The following STS variants were observed in gnomAD, a reference collection of about 807,000 sequenced individuals.
The protein encoded by STS is steryl-sulfatase.
In STS, 7 loss-of-function variants were observed where a neutral mutation model predicts 26.8. That is an observed-to-expected ratio of 0.26 (90% confidence interval 0.15 to 0.49). The LOEUF (loss-of-function observed/expected upper bound fraction) is 0.49. STS is among the 20% of genes least tolerant of loss of function. The pLI, the probability that STS is intolerant of heterozygous loss-of-function variation, is 0.98. For missense variants in STS, 434 were observed against 465.6 expected (o/e 0.93, Z 0.63); for synonymous variants, 199 against 189.4 (o/e 1.05, Z -0.42).
intron 2 of STS, among the ~76,000 whole-genome samples, chrX:7,241,724 G>A (rs755169965): frequency 1.8e-5 from 2 of 111,862 alleles, no homozygotes; most frequent in Admixed American, 9.5e-5. Context: ...AGCAACTTGC[G>A]TTTGTTATCT....
intron 7 of STS, among the ~76,000 whole-genome samples, chrX:7,277,869 A>C (rs963828696): frequency 8.9e-6 from 1 of 112,529 alleles, no homozygotes. Flanking sequence ...AGTGTAAATC[A>C]GTAGAATATT....
intron 2 of STS, among the ~76,000 whole-genome samples, chrX:7,202,397 C>T (rs1314904921): frequency 2.7e-5 from 3 of 111,027 alleles, no homozygotes; most frequent in Non-Finnish European, 5.7e-5. Flanking sequence ...ACCTCTCTAT[C>T]AGTATTTAAG....
At chrX:7,278,908 A>G (rs1283667231) in intron 7 of STS, among the ~76,000 whole-genome samples, 1 of 111,479 alleles carries the variant, frequency 9.0e-6, no homozygotes, top group Admixed American at 9.6e-5. Context: ...GAGAAAAGAC[A>G]TACTAATTTA....
chrX:7,258,278 T>G (rs1389047819), intron 5 of STS, among the ~76,000 whole-genome samples: 5 of 108,321 alleles, frequency 4.6e-5, no homozygotes, highest in African/African-American at 1.7e-4. Context: ...GATAGATAGA[T>G]AGATAGATAG....
intron 2 of STS, among the ~76,000 whole-genome samples, chrX:7,228,632 A>G (rs1240246619): frequency 9.0e-6 from 1 of 111,719 alleles, no homozygotes; most frequent in African/African-American, 3.3e-5. Flanking sequence ...ATATATGGTT[A>G]TCAGTATATG....
At chrX:7,187,226 C>T (rs1379983214) in intron 1 of STS, among the ~76,000 whole-genome samples, 5 of 112,344 alleles carry the variant, frequency 4.5e-5, no homozygotes, top group African/African-American at 1.3e-4. Context: ...TCTATGTCTT[C>T]CTCTTCAAAA....
At chrX:7,336,062 A>G (rs1180324542) in intron 10 of STS, among the ~76,000 whole-genome samples, 1 of 111,677 alleles carries the variant, frequency 9.0e-6, no homozygotes, top group African/African-American at 3.3e-5. Flanking sequence ...AATTACAGTA[A>G]TATTCCTATC....
chrX:7,282,115 A>G (rs1166104615), intron 7 of STS, among the ~76,000 whole-genome samples: 5 of 112,753 alleles, frequency 4.4e-5, no homozygotes, highest in African/African-American at 1.3e-4. Context: ...AAGCTTGTAT[A>G]CCATATTGAG....
intron 2 of STS, among the ~76,000 whole-genome samples, chrX:7,198,369 G>T (rs1934008702): frequency 9.0e-6 from 1 of 111,313 alleles, no homozygotes; most frequent in Non-Finnish European, 1.9e-5. Flanking sequence ...CATGGCACCA[G>T]TTGGTAGATC....
chrX:7,324,539 A>G, intron 8 of STS, among the ~76,000 whole-genome samples: 1 of 111,659 alleles, frequency 9.0e-6, no homozygotes, highest in African/African-American at 3.3e-5. Context: ...TTTGGGGTAA[A>G]CTACTTCAAT....
intron 7 of STS, among the ~76,000 whole-genome samples, chrX:7,278,877 A>G (rs1031446412): frequency 8.9e-6 from 1 of 111,932 alleles, no homozygotes; most frequent in African/African-American, 3.3e-5. Context: ...AATCACTGGC[A>G]TGAGGCAGAT....
At position 7,253,265 on chromosome X, in the gene STS, G is replaced by A. The variant is rs1278681343; in HGVS notation, c.66G>A (p.Pro22=). 7 of 1,209,538 alleles carry A rather than the reference G, an allele frequency of 5.8e-6. No homozygotes were observed. Among genetic ancestry groups the A allele is most frequent in the Admixed American group, 2.2e-5 (1 of 45,701 alleles). Residue 22 remains proline (P), a synonymous_variant, in exon 3 of 11, where the codon CCG becomes CCA. Coordinates refer to ENST00000674429, the MANE Select transcript of STS (RefSeq NM_001320752.2). ...CCGAGAGCCACGCAGCATCAAGGCC[G>A]AACATCATCCTGGTGATGGCTGACG... ...WEAESHAASR[P]NIILVMADDL...
In STS at chrX:7,350,260, A is replaced by G; in HGVS notation, c.1736A>G (p.Ter579TrpextTer29). The G allele has an allele frequency of 1.7e-6, 2 of 1,206,835 alleles. No individual in the cohort carries two copies. Among genetic ancestry groups the G allele is most frequent in the Non-Finnish European group, 2.2e-6 (2 of 893,204 alleles). ...REKQDKRLSR[*>W] is the part of the protein sequence containing the mutation. ...AAACAGGATAAGAGACTGAGCCGCT[A>G]GCAGCGCCTGGGGACCAGACAGACG... The change falls in exon 11 of 11, where the codon TAG (stop) becomes TGG (tryptophan). Residue 579 changes from the stop codon to tryptophan, a stop_lost. Coordinates refer to ENST00000674429, the MANE Select transcript of STS (RefSeq NM_001320752.2).
At chrX:7,302,640 A>G (rs1436838987) in intron 7 of STS, among the ~76,000 whole-genome samples, 2 of 111,862 alleles carry the variant, frequency 1.8e-5, no homozygotes, top group Non-Finnish European at 3.8e-5. Flanking sequence ...AAATAGCAAA[A>G]ATATGCCTTG....
intron 1 of STS, among the ~76,000 whole-genome samples, chrX:7,172,536 G>A (rs1210322691): frequency 9.0e-6 from 1 of 111,404 alleles, no homozygotes; most frequent in Non-Finnish European, 1.9e-5. Context: ...ATCTCAGGCT[G>A]CTGTCATTTG....
intron 2 of STS, among the ~76,000 whole-genome samples, chrX:7,237,258 A>G (rs927376676): frequency 6.4e-5 from 7 of 110,015 alleles, no homozygotes; most frequent in African/African-American, 2.3e-4. Flanking sequence ...AAAACAAAAC[A>G]ACAAAACACG....
intron 8 of STS, among the ~76,000 whole-genome samples, chrX:7,305,784 C>A (rs954298735): frequency 3.6e-5 from 4 of 111,787 alleles, no homozygotes; most frequent in African/African-American, 1.3e-4. Context: ...CCTTCACTTA[C>A]TCTGACACCC....
intron 2 of STS, among the ~76,000 whole-genome samples, chrX:7,213,844 G>T (rs1197859407): frequency 5.4e-5 from 6 of 110,850 alleles, no homozygotes; most frequent in Non-Finnish European, 5.7e-5. Context: ...TACTTTGGGA[G>T]GTCAGGGAAG....
At position 7,350,329 on chromosome X, in the gene STS, G is replaced by A. The variant is rs762522845; in HGVS notation, c.*68G>A. The A allele has an allele frequency of 7.3e-5, 83 of 1,132,563 alleles. No homozygotes were observed. The African/African-American group carries it at 1.4e-3, about 18-fold the overall frequency. 93.3% of individuals were successfully genotyped at this position (1,132,563 alleles called of 1,213,427 possible). A position where few individuals can be genotyped will look rare whatever the true frequency, so the allele number is the denominator to read the frequency against. On this transcript the variant is annotated 3_prime_UTR_variant, in exon 11 of 11. Coordinates refer to ENST00000674429, the MANE Select transcript of STS (RefSeq NM_001320752.2). ...ATCTTCACTACAAACACGCCTGAGAGTGGCACTGGGGAAACATAACTCCAT... is the reference window on the plus strand; with the variant it reads ...ATCTTCACTACAAACACGCCTGAGAATGGCACTGGGGAAACATAACTCCAT...
Sources: allele counts gnomAD v4.1 joint callset (sites outside exome capture counted in the v4.1 genomes callset), GRCh38; gene constraint gnomAD v4.1.1; transcripts MANE v1.5; gene names NCBI Gene and HGNC (gene_info 2026-07-23, HGNC 2026-07-21).